STXBP5L: variants seen among roughly 807,000 people sequenced by gnomAD.
The protein encoded by STXBP5L is syntaxin binding protein 5L.
In STXBP5L, 65 loss-of-function variants were observed where a neutral mutation model predicts 144.5. That is an observed-to-expected ratio of 0.45 (90% CI 0.37 to 0.55). The LOEUF is 0.55. Ranked by LOEUF, STXBP5L falls within the 20% of genes least tolerant of loss-of-function variation. The probability of loss-of-function intolerance (pLI) is 0.00; values close to 1 mark genes in which losing one functional copy is unlikely to be tolerated. For synonymous variants in STXBP5L, 505 were observed against 469.6 expected (o/e 1.08, Z -0.97); for missense variants, 1,298 against 1,405.5 (o/e 0.92, Z 1.22).
chr3:121,311,902 A>G (rs2043542081), intron 19 of STXBP5L, among the ~76,000 whole-genome samples: 1 of 152,228 alleles, frequency 6.6e-6, no homozygotes, highest in Non-Finnish European at 1.5e-5. Flanking sequence ...CTAAGCCAAA[A>G]GAACAAAGCT....
intron 20 of STXBP5L, among the ~76,000 whole-genome samples, chr3:121,369,123 G>GCTGCCTA (rs1285585877): frequency 6.6e-6 from 1 of 152,198 alleles, no homozygotes; most frequent in African/African-American, 2.4e-5. Context: ...ACAGCTGCCT[G>GCTGCCTA]GCAGGGGATT....
At chr3:121,294,685 G>A (rs1344599958) in intron 19 of STXBP5L, among the ~76,000 whole-genome samples, 1 of 152,104 alleles carries the variant, frequency 6.6e-6, no homozygotes, top group Non-Finnish European at 1.5e-5. Flanking sequence ...AAGGAGATTT[G>A]TGAATAGAGA....
chr3:121,194,604 C>T (rs1421393759), intron 9 of STXBP5L, among the ~76,000 whole-genome samples: 4 of 151,906 alleles, frequency 2.6e-5, no homozygotes, highest in Admixed American at 2.6e-4. Context: ...GAAGTGTTTC[C>T]TCCTCTTCTG....
intron 20 of STXBP5L, among the ~76,000 whole-genome samples, chr3:121,349,784 G>T (rs952218185): frequency 6.6e-6 from 1 of 151,936 alleles, no homozygotes; most frequent in Non-Finnish European, 1.5e-5. Context: ...TGCAACCCCT[G>T]CCTTTTTTTT....
At chr3:121,191,017 G>A (rs543817290) in intron 9 of STXBP5L, among the ~76,000 whole-genome samples, 42 of 151,182 alleles carry the variant, frequency 2.8e-4, no homozygotes, top group Non-Finnish European at 4.1e-4. Context: ...CTTCCTAGAC[G>A]GGATGACTGC....
chr3:121,232,845 G>C (rs1261634282), intron 11 of STXBP5L, among the ~76,000 whole-genome samples: 1 of 152,136 alleles, frequency 6.6e-6, no homozygotes, highest in African/African-American at 2.4e-5. Flanking sequence ...ATTGGATCTT[G>C]CCATAGGATG....
intron 9 of STXBP5L, among the ~76,000 whole-genome samples, chr3:121,184,741 G>A (rs578177136): frequency 7.0e-4 from 107 of 152,120 alleles, no homozygotes; most frequent in Non-Finnish European, 1.4e-3. Flanking sequence ...CTCGAGAAAA[G>A]CAAACCCAAG....
intron 8 of STXBP5L, among the ~76,000 whole-genome samples, chr3:121,155,628 C>G (rs928861654): frequency 6.6e-6 from 1 of 151,424 alleles, no homozygotes. Flanking sequence ...CTCTGAGCCC[C>G]CCTCCCTTTT....
At chr3:121,186,314 C>T (rs1359102758) in intron 9 of STXBP5L, among the ~76,000 whole-genome samples, 1 of 152,178 alleles carries the variant, frequency 6.6e-6, no homozygotes, top group Non-Finnish European at 1.5e-5. Context: ...ATAGCCCTGG[C>T]CAGAACTTCC....
intron 7 of STXBP5L, among the ~76,000 whole-genome samples, chr3:121,136,526 C>G (rs1471230842): frequency 6.6e-6 from 1 of 152,186 alleles, no homozygotes; most frequent in Non-Finnish European, 1.5e-5. Flanking sequence ...CTACAATAAG[C>G]TACCATCTCA....
intron 3 of STXBP5L, among the ~76,000 whole-genome samples, chr3:120,960,174 G>A (rs1325568121): frequency 6.6e-6 from 1 of 152,094 alleles, no homozygotes; most frequent in Non-Finnish European, 1.5e-5. Flanking sequence ...ATCATCACTG[G>A]GCAACAGAGA....
At chr3:120,912,395 G>A (rs1313568222) in intron 2 of STXBP5L, among the ~76,000 whole-genome samples, 1 of 151,762 alleles carries the variant, frequency 6.6e-6, no homozygotes, top group Non-Finnish European at 1.5e-5. Flanking sequence ...GCAACTCATG[G>A]GCACACATTT....
chr3:121,020,789 A>G (rs1051003044), intron 3 of STXBP5L, among the ~76,000 whole-genome samples: 1 of 152,084 alleles, frequency 6.6e-6, no homozygotes, highest in Non-Finnish European at 1.5e-5. Context: ...AATCCTTGAA[A>G]TACACCAAAA....
intron 22 of STXBP5L, among the ~76,000 whole-genome samples, chr3:121,390,064 G>A (rs1484210144): frequency 6.6e-6 from 1 of 152,158 alleles, no homozygotes; most frequent in Non-Finnish European, 1.5e-5. Context: ...ATGAATCTGG[G>A]TGCTCCCATA....
chr3:121,199,981 G>A (rs1365227575), intron 9 of STXBP5L, among the ~76,000 whole-genome samples: 1 of 152,088 alleles, frequency 6.6e-6, no homozygotes, highest in South Asian at 2.1e-4. Flanking sequence ...TTGGTATCAG[G>A]ATGATGCTGG....
chr3:120,986,203 T>C (rs1942271784), intron 3 of STXBP5L, among the ~76,000 whole-genome samples: 1 of 151,946 alleles, frequency 6.6e-6, no homozygotes, highest in African/African-American at 2.4e-5. Flanking sequence ...ACTATTGCAG[T>C]TTTACATCTG....
rs552532459 is a variant in STXBP5L, at chr3:121,103,874, C to T, written c.471-11051C>T. 1.1e-4 allele frequency among the ~76,000 whole-genome samples: 17 copies of T among 152,170 alleles called. 1 individual carries two copies. Among genetic ancestry groups the T allele is most frequent in the Non-Finnish European group, 2.4e-4 (16 of 67,962 alleles). Reference sequence around the variant, plus strand: ...CAAAACAAAGTTCTTAGTGTTTTGCCACTTAAGTTTTAGTGAAGAAATATG... The same window carrying T: ...CAAAACAAAGTTCTTAGTGTTTTGCTACTTAAGTTTTAGTGAAGAAATATG... On this transcript the variant is annotated intron_variant, in intron 5 of 26. Transcript: ENST00000471454.
At chr3:120,953,949 A>T (rs1271669288) in intron 2 of STXBP5L, among the ~76,000 whole-genome samples, 5 of 152,168 alleles carry the variant, frequency 3.3e-5, no homozygotes, top group African/African-American at 7.2e-5. Flanking sequence ...TTTTTTATAC[A>T]TGCCATTTAT....
intron 14 of STXBP5L, among the ~76,000 whole-genome samples, chr3:121,240,714 A>T (rs1013329143): frequency 3.3e-5 from 5 of 152,194 alleles, no homozygotes; most frequent in African/African-American, 1.2e-4. Flanking sequence ...GAAAGCATAG[A>T]TTATATCACC....
Sources: allele counts gnomAD v4.1 joint callset (sites outside exome capture counted in the v4.1 genomes callset), GRCh38; gene constraint gnomAD v4.1.1; transcripts MANE v1.5; gene names NCBI Gene and HGNC (gene_info 2026-07-23, HGNC 2026-07-21).